TRIP6: variants seen among roughly 807,000 people sequenced by gnomAD.
TRIP6 encodes thyroid hormone receptor interactor 6, also known as thyroid receptor-interacting protein 6.
A neutral mutation model predicts 51.9 loss-of-function variants in TRIP6; 33 were observed. The observed-to-expected ratio is 0.64, with a 90% CI of 0.48 to 0.85. The LOEUF is 0.85. Among genes scored for constraint, TRIP6 ranks in the 40% least tolerant of loss-of-function variants. The probability of loss-of-function intolerance (pLI) is 0.00; values close to 1 mark genes in which losing one functional copy is unlikely to be tolerated. For missense variants in TRIP6, 661 were observed against 652.1 expected (o/e 1.01, Z -0.15); for synonymous variants, 255 against 275.8 (o/e 0.92, Z 0.75).
Position 100,870,373 on chromosome 7 carries a change from C to A in TRIP6, c.739C>A (p.Pro247Thr). Residue 247 changes from proline to threonine, a missense_variant, in exon 5 of 9, where the codon CCC becomes ACC. Coordinates refer to ENST00000200457, the MANE Select transcript of TRIP6 (RefSeq NM_003302.3). Reference protein sequence around the residue: ...GRGGEHGPQVPLSQPPEDELD... With the variant: ...GRGGEHGPQVTLSQPPEDELD... ...GAGCCCGATTCCCACCTTCCAGGTGCCCCTGAGCCAGCCTCCAGAGGATGA... is the reference window on the plus strand; with the variant it reads ...GAGCCCGATTCCCACCTTCCAGGTGACCCTGAGCCAGCCTCCAGAGGATGA... The A allele has an allele frequency of 6.2e-7, 1 of 1,611,864 alleles. No individual in the cohort carries two copies. The highest frequency in any genetic ancestry group is 1.3e-5 in the African/African-American group (1 of 74,954).
rs891480807 is a variant in TRIP6 at position 100,869,416 on chromosome 7, T to C, written c.735+550T>C. Among the ~76,000 whole-genome samples the C allele has an allele frequency of 2.7e-5, 4 of 150,066 alleles. No homozygotes were observed. The East Asian group carries it at 8.0e-4, about 30-fold the overall frequency. Reference sequence around the variant, plus strand: ...GGGAGGCTGAGGTGGGTGGATCACCTGAGGTCACGAGTTCGAGACCACACT... The same window carrying C: ...GGGAGGCTGAGGTGGGTGGATCACCCGAGGTCACGAGTTCGAGACCACACT... On this transcript the variant is annotated intron_variant, in intron 4 of 8. Transcript: ENST00000200457.
rs2115615082 is a variant in TRIP6, at chr7:100,868,204, G to A, written c.334G>A (p.Gly112Ser). The A allele has an allele frequency of 6.2e-7, 1 of 1,609,044 alleles. No individual in the cohort carries two copies. The highest frequency in any genetic ancestry group is 1.3e-5 in the African/African-American group (1 of 74,764). Residue 112 changes from glycine (G) to serine (S), a missense_variant, in exon 3 of 9, where the codon GGT (glycine) becomes AGT (serine). Coordinates refer to ENST00000200457, the MANE Select transcript of TRIP6 (RefSeq NM_003302.3). ...STLAELNGGR[G>S]HASRRPDRQA... ...GCTGGCCGAGCTGAATGGGGGTCGGGGTCATGCGTCACGGCGACCAGACCG... is the reference window on the plus strand; with the variant it reads ...GCTGGCCGAGCTGAATGGGGGTCGGAGTCATGCGTCACGGCGACCAGACCG...
intron 7 of TRIP6, among the ~76,000 whole-genome samples, chr7:100,872,181 G>GTTTTTTTTTTTTTTTTTT (rs34239953): frequency 2.1e-5 from 2 of 95,592 alleles, no homozygotes; most frequent in Non-Finnish European, 3.8e-5. Flanking sequence ...CGCCTGGCTA[G>GTTTTTTTTTTTTTTTTTT]TTTTTTTTTT....
chr7:100,867,756 A>T lies in TRIP6; in HGVS notation c.110-105A>T. ...GCCGCCTGCGCTCTCTTGGGACCCT[A>T]GATTTGGGGGAGGAGGTAACGAGAG... On this transcript the variant is annotated intron_variant, in intron 1 of 8. Coordinates refer to ENST00000200457, the MANE Select transcript of TRIP6 (RefSeq NM_003302.3). The surrounding 1 kb of genome is among the most constrained non-coding windows in gnomAD (Gnocchi z 5.4). The T allele has an allele frequency of 6.6e-7, 1 of 1,508,032 alleles. No individual in the cohort carries two copies. Among genetic ancestry groups the T allele is most frequent in the Non-Finnish European group, 8.9e-7 (1 of 1,129,404 alleles). 93.4% of individuals were successfully genotyped at this position (1,508,032 alleles called of 1,614,324 possible). A position where few individuals can be genotyped will look rare whatever the true frequency, so the allele number is the denominator to read the frequency against.
intron 6 of TRIP6, chr7:100,871,246 G>T: frequency 2.0e-6 from 1 of 506,124 alleles, no homozygotes; most frequent in South Asian, 2.0e-5. Context: ...TGTTGGCCAG[G>T]CTGTTTTGAA....
At chr7:100,869,964 C>T (rs767175771) in intron 4 of TRIP6, among the ~76,000 whole-genome samples, 18 of 150,874 alleles carry the variant, frequency 1.2e-4, no homozygotes, top group Admixed American at 5.3e-4. Context: ...TAATATATAC[C>T]GAAACAATTA....
intron 6 of TRIP6, 39 bp from the exon 7 acceptor site, chr7:100,871,504 C>T (rs1364942414): frequency 6.2e-7 from 1 of 1,602,528 alleles, no homozygotes; most frequent in Admixed American, 1.7e-5. Context: ...GCCATGGCTC[C>T]CGCCCGCTCC....
Position 100,867,811 on chromosome 7 carries a change from C to T in TRIP6, c.110-50C>T. 3 of 1,527,986 alleles carry T rather than the reference C, an allele frequency of 2.0e-6. No homozygotes were observed. Among genetic ancestry groups the T allele is most frequent in the Non-Finnish European group, 2.6e-6 (3 of 1,145,432 alleles). The allele number at this position is 1,527,986 out of a possible 1,614,324, so 94.7% of individuals were successfully genotyped here. A position where few individuals can be genotyped will look rare whatever the true frequency, so the allele number is the denominator to read the frequency against. ...AGAGGGTGGCTCCTCAAATATACAC[C>T]CCTCCTGTCCTCCGCCACCCCACCT... On this transcript the variant is annotated intron_variant, in intron 1 of 8. Coordinates refer to ENST00000200457, the MANE Select transcript of TRIP6 (RefSeq NM_003302.3). The surrounding 1 kb of genome is among the most constrained non-coding windows in gnomAD (Gnocchi z 5.4).
In TRIP6 at chr7:100,867,667, C is replaced by T; in HGVS notation, c.109+61C>T. 3 of 1,563,332 alleles carry T rather than the reference C, an allele frequency of 1.9e-6. No homozygotes were observed. The highest frequency in any genetic ancestry group is 2.6e-6 in the Non-Finnish European group (3 of 1,153,760). Reference sequence around the variant, plus strand: ...GCTGTGGCGCTCACCTCTGTCCTACCGCTCCAGCCTCCCGCCCTGGCTGCT... The same window carrying T: ...GCTGTGGCGCTCACCTCTGTCCTACTGCTCCAGCCTCCCGCCCTGGCTGCT... On this transcript the variant is annotated intron_variant, in intron 1 of 8. Coordinates refer to ENST00000200457, the MANE Select transcript of TRIP6 (RefSeq NM_003302.3). The surrounding 1 kb of genome is among the most constrained non-coding windows in gnomAD (Gnocchi z 5.4).
intron 6 of TRIP6, 122 bp downstream of exon 6, chr7:100,870,865 G>T: frequency 1.5e-6 from 2 of 1,352,660 alleles, no homozygotes. Flanking sequence ...GCGACTGAAA[G>T]TGATGTACAA....
intron 6 of TRIP6, chr7:100,871,231 C>T (rs933292432): frequency 4.0e-5 from 19 of 477,386 alleles, no homozygotes; most frequent in South Asian, 1.8e-4. Flanking sequence ...GACAGGGTTT[C>T]GCCATGTTGG....
At chr7:100,869,632 C>CAAAAA (rs757024618) in intron 4 of TRIP6, among the ~76,000 whole-genome samples, 4 of 37,612 alleles carry the variant, frequency 1.1e-4, no homozygotes, top group Non-Finnish European at 1.6e-4. Flanking sequence ...AACTCTGTCT[C>CAAAAA]AAAAAAAAAA....
chr7:100,868,950 C>A, intron 4 of TRIP6, 84 bp downstream of exon 4: 2 of 1,399,072 alleles, frequency 1.4e-6, no homozygotes, highest in Non-Finnish European at 9.3e-7. Context: ...TTTTAGGGGG[C>A]TTTTTTGTTT....
chr7:100,869,969 C>A (rs1407725644), intron 4 of TRIP6, among the ~76,000 whole-genome samples: 1 of 151,728 alleles, frequency 6.6e-6, no homozygotes, highest in Non-Finnish European at 1.5e-5. Context: ...TATACCGAAA[C>A]AATTATACAA....
chr7:100,870,198 G>A (rs535749492), intron 4 of TRIP6, among the ~76,000 whole-genome samples, 172 bp from the exon 5 acceptor site: 9 of 152,356 alleles, frequency 5.9e-5, no homozygotes, highest in South Asian at 2.1e-4. Context: ...GAGCTCAGGC[G>A]GTAATGCAAG....
Position 100,869,523 on chromosome 7 carries a change from T to C in TRIP6, c.735+657T>C, listed in dbSNP as rs186564890. Among the ~76,000 whole-genome samples, 133 of 148,062 alleles carry C rather than the reference T, an allele frequency of 9.0e-4. 1 individual carries two copies. The highest frequency in any genetic ancestry group is 3.3e-3 in the African/African-American group (133 of 40,016). On this transcript the variant is annotated intron_variant, in intron 4 of 8. Transcript: ENST00000200457. Reference sequence around the variant, plus strand: ...GGCACATGCCTGTAATCCCAGCTACTCGGGAGGTTGAGGCAGGAGAATCAC... The same window carrying C: ...GGCACATGCCTGTAATCCCAGCTACCCGGGAGGTTGAGGCAGGAGAATCAC...
intron 6 of TRIP6, chr7:100,871,040 TTTTG>T (rs949763633): frequency 2.3e-5 from 13 of 576,488 alleles, no homozygotes; most frequent in Non-Finnish European, 4.2e-5. Context: ...TGGTTTTGTT[TTTTG>T]TTTTTTTTTG....
Position 100,870,451 on chromosome 7 carries a change from G to C in TRIP6, c.817G>C (p.Gly273Arg). Residue 273 changes from glycine (G) to arginine (R), a missense_variant, in exon 5 of 9, where the codon GGG (glycine) becomes CGG (arginine). Transcript: ENST00000200457. Reference sequence around the variant, plus strand: ...TCACGACATGAACCACCCGCCCAGCGGGGAGTACTTTGGTGAGCTGAGGCT... The same window carrying C: ...TCACGACATGAACCACCCGCCCAGCCGGGAGTACTTTGGTGAGCTGAGGCT... ...LVHDMNHPPS[G>R]EYFGQCGGCG... 1.2e-6 allele frequency: 2 copies of C among 1,613,518 alleles called. No individual in the cohort carries two copies. Among genetic ancestry groups the C allele is most frequent in the South Asian group, 1.1e-5 (1 of 91,026 alleles).
In TRIP6 at chr7:100,868,588, A is replaced by C. The variant is rs1266477684; in HGVS notation, c.457A>C (p.Thr153Pro). ...CCCAGCGTCTCCCTATGGGGGCCCC[A>C]CTCCAGCCTCTTACACTACCGCCAG... Reference protein sequence around the residue: ...PLPASPYGGPTPASYTTASTP... With the variant: ...PLPASPYGGPPPASYTTASTP... Residue 153 changes from threonine (T) to proline (P), a missense_variant, in exon 4 of 9, where the codon ACT becomes CCT. Physicochemically the swap from Thr to Pro is conservative, Grantham distance 38. Transcript: ENST00000200457. 2 of 1,612,458 alleles carry C rather than the reference A, an allele frequency of 1.2e-6. No individual in the cohort carries two copies. Among genetic ancestry groups the C allele is most frequent in the African/African-American group, 2.7e-5 (2 of 74,862 alleles).
Sources: gnomAD v4.1 joint callset for allele counts (sites outside exome capture counted in the v4.1 genomes callset) on GRCh38, gnomAD v4.1.1 for gene constraint, Gnocchi (gnomAD v3.1) non-coding constraint, MANE v1.5 for transcripts, NCBI Gene and HGNC (gene_info 2026-07-23, HGNC 2026-07-21) for gene names.